TLCD5: variants seen among roughly 807,000 people sequenced by gnomAD.
TLCD5 encodes TLC domain containing 5.
TLCD5 carries 15 observed loss-of-function variants against 20.5 expected under a neutral mutation model. That is an observed-to-expected ratio of 0.73 (90% CI 0.49 to 1.13). The LOEUF (loss-of-function observed/expected upper bound fraction) is 1.13. Among genes scored for constraint, TLCD5 ranks in the 50% most tolerant of loss-of-function variants. The probability of loss-of-function intolerance (pLI) is 0.00; values close to 1 mark genes in which losing one functional copy is unlikely to be tolerated. For missense variants in TLCD5, 289 were observed against 305.6 expected (o/e 0.95, Z 0.41); for synonymous variants, 107 against 114.7 (o/e 0.93, Z 0.43).
intron 1 of TLCD5, among the ~76,000 whole-genome samples, chr11:120,326,556 G>A (rs1207671058): frequency 6.6e-6 from 1 of 152,196 alleles, no homozygotes; most frequent in Non-Finnish European, 1.5e-5. Context: ...CGTTTCAATG[G>A]AGGAGCTAAT....
chr11:120,325,939 A>G (rs1941988407), intron 1 of TLCD5, among the ~76,000 whole-genome samples: 1 of 152,238 alleles, frequency 6.6e-6, no homozygotes, highest in East Asian at 1.9e-4. Flanking sequence ...AAGACTCTAA[A>G]AATACTAATA....
Position 120,333,180 on chromosome 11 carries a change from T to A in TLCD5, c.*2665T>A, listed in dbSNP as rs1942193566. On this transcript the variant is annotated 3_prime_UTR_variant, in exon 3 of 3. Transcript: ENST00000375095. This position sits in a 1 kb window ranked among gnomAD's most constrained non-coding sequence, Gnocchi z 4.5. ...TTGTAGAAAAGAGTGGCCTGGCACA[T>A]GAGCTTAAAAAAAAGAAAAAAAGCT... The A allele has an allele frequency of 6.6e-6, 1 of 152,092 alleles. No individual in the cohort carries two copies. Among genetic ancestry groups the A allele is most frequent in the South Asian group, 2.1e-4 (1 of 4,828 alleles). 9.4% of individuals were successfully genotyped at this position (152,092 alleles called of 1,614,324 possible). A position where few individuals can be genotyped will look rare whatever the true frequency, so the allele number is the denominator to read the frequency against.
chr11:120,332,511 A>G lies in TLCD5; in HGVS notation c.*1996A>G, dbSNP rs949814137. The G allele has an allele frequency of 6.6e-6, 1 of 152,252 alleles. No homozygotes were observed. Among genetic ancestry groups the G allele is most frequent in the Non-Finnish European group, 1.5e-5 (1 of 68,190 alleles). The allele number at this position is 152,252 out of a possible 1,614,324, so 9.4% of individuals were successfully genotyped here. On this transcript the variant is annotated 3_prime_UTR_variant, in exon 3 of 3. Coordinates refer to ENST00000375095, the MANE Select transcript of TLCD5 (RefSeq NM_001198671.2). The surrounding 1 kb of genome is among the most constrained non-coding windows in gnomAD (Gnocchi z 4.2). ...GGCCACTGGTAATCTAACGTAATGA[A>G]TGGTGTCTTTTGTTGTTGTTGTTGT... is the stretch of plus-strand genomic sequence containing the variant.
At chr11:120,327,124 C>T in intron 1 of TLCD5, 1 of 500,462 alleles carries the variant, frequency 2.0e-6, no homozygotes, top group Non-Finnish European at 3.5e-6. Flanking sequence ...TGCCCAAGGT[C>T]AGTCATCGCT....
chr11:120,326,211 C>CT (rs67449874), intron 1 of TLCD5, among the ~76,000 whole-genome samples: 21,136 of 148,392 alleles, frequency 0.14, 1,825 homozygotes, highest in South Asian at 0.21. Context: ...TTAATTTCTT[C>CT]TTTTTTTTTT....
chr11:120,330,478 G>T lies in TLCD5; in HGVS notation c.701G>T (p.Arg234Leu). 3 of 1,613,824 alleles carry T rather than the reference G, an allele frequency of 1.9e-6. 1 individual carries two copies. In the South Asian group the frequency reaches 3.3e-5, roughly 18 times the overall value. ...HAWRSRRSEE[R>L]QLKHNGHLKI... Reference sequence around the variant, plus strand: ...TGGAGAAGCAGGCGGAGTGAGGAACGGCAGCTGAAACACAACGGACATCTC... The same window carrying T: ...TGGAGAAGCAGGCGGAGTGAGGAACTGCAGCTGAAACACAACGGACATCTC... Residue 234 changes from arginine to leucine, a missense_variant, in exon 3 of 3, where the codon CGG (arginine) becomes CTG (leucine). Transcript: ENST00000375095.
intron 2 of TLCD5, among the ~76,000 whole-genome samples, chr11:120,327,843 C>T (rs1565399462): frequency 6.6e-6 from 1 of 152,124 alleles, no homozygotes; most frequent in East Asian, 1.9e-4. Flanking sequence ...ACTTTTAAAA[C>T]AGATTTTAAA....
intron 1 of TLCD5, 40 bp downstream of exon 1, chr11:120,325,408 G>C (rs1941969164): frequency 6.6e-6 from 1 of 152,140 alleles, no homozygotes; most frequent in Non-Finnish European, 1.5e-5. Context: ...GGGTGGGCAC[G>C]GGGCCCGCGC....
rs1367583971 is a variant in TLCD5, at chr11:120,326,168, T to C, written c.-2+800T>C. Among the ~76,000 whole-genome samples the C allele has an allele frequency of 2.6e-5, 4 of 152,100 alleles. No homozygotes were observed. The East Asian group carries it at 7.7e-4, about 29-fold the overall frequency. ...TCCTAGTCTCTTTCTTTCCTTTCCCTTCCTCCCCTTCCTCTTCCTTCTTTT... is the reference window on the plus strand; with the variant it reads ...TCCTAGTCTCTTTCTTTCCTTTCCCCTCCTCCCCTTCCTCTTCCTTCTTTT... On this transcript the variant is annotated intron_variant, in intron 1 of 2. Transcript: ENST00000375095.
intron 2 of TLCD5, among the ~76,000 whole-genome samples, chr11:120,327,878 A>G (rs73008710): frequency 0.097 from 14,720 of 152,224 alleles, 952 homozygotes; most frequent in Non-Finnish European, 0.15. Flanking sequence ...TTAATTGGAA[A>G]TACAAAAACT....
In TLCD5 at chr11:120,327,461, T is replaced by C; in HGVS notation, c.20T>C (p.Leu7Pro). 1 of 1,614,256 alleles carries C rather than the reference T, an allele frequency of 6.2e-7. No homozygotes were observed. Residue 7 changes from leucine to proline, a missense_variant, in exon 2 of 3, where the codon CTG becomes CCG. By Grantham distance (98) the Leu-to-Pro change is moderately conservative. Coordinates refer to ENST00000375095, the MANE Select transcript of TLCD5 (RefSeq NM_001198671.2). ...CACAGGATGGCATTAGCTCTGTGTC[T>C]GCAGGTGCTGTGCAGCCTGTGTGGC... MALALC[L>P]QVLCSLCGWL...
chr11:120,326,530 T>C (rs1317378697), intron 1 of TLCD5, among the ~76,000 whole-genome samples: 1 of 152,248 alleles, frequency 6.6e-6, no homozygotes, highest in East Asian at 1.9e-4. Context: ...GATATGTTTT[T>C]GACTTTTTAT....
chr11:120,327,401 T>A (rs767148313), intron 1 of TLCD5, 40 bp from the exon 2 acceptor site: 1 of 1,614,046 alleles, frequency 6.2e-7, no homozygotes, highest in South Asian at 1.1e-5. Flanking sequence ...TTTCTTAGGG[T>A]GCATCCTTTG....
At chr11:120,329,918 C>T (rs1379014029) in intron 2 of TLCD5, 59 bp from the exon 3 acceptor site, 5 of 1,534,830 alleles carry the variant, frequency 3.3e-6, no homozygotes, top group Non-Finnish European at 4.4e-6. Context: ...CATAGGATCC[C>T]TGTGCAAGGT....
Position 120,327,651 on chromosome 11 carries a change from G to T in TLCD5, c.199+11G>T. On this transcript the variant is annotated intron_variant, in intron 2 of 2. Coordinates refer to ENST00000375095, the MANE Select transcript of TLCD5 (RefSeq NM_001198671.2). ...CTTTTACCCACCCAGGTAGGTAGGG[G>T]ATTTTCCCTTAGGGATTTATGATTT... The T allele has an allele frequency of 6.2e-7, 1 of 1,608,450 alleles. No individual in the cohort carries two copies. Among genetic ancestry groups the T allele is most frequent in the Non-Finnish European group, 8.5e-7 (1 of 1,177,380 alleles).
chr11:120,328,677 TAGTGTGTGTG>T (rs1942059127), intron 2 of TLCD5, among the ~76,000 whole-genome samples: 1 of 91,710 alleles, frequency 1.1e-5, no homozygotes, highest in African/African-American at 5.0e-5. Flanking sequence ...ATAACAGTCA[TAGTGTGTGTG>T]TGTGTGTGTG....
chr11:120,328,911 A>G (rs1428613150), intron 2 of TLCD5, among the ~76,000 whole-genome samples: 1 of 127,886 alleles, frequency 7.8e-6, no homozygotes, highest in Non-Finnish European at 1.6e-5. Context: ...TAAGGATAAC[A>G]GTCATAGTGT....
At chr11:120,327,747 A>G in intron 2 of TLCD5, 107 bp downstream of exon 2, 1 of 1,143,576 alleles carries the variant, frequency 8.7e-7, no homozygotes, top group Non-Finnish European at 1.2e-6. Context: ...TCCCATTATA[A>G]TTTTGTATTG....
rs1198644782 is a variant in TLCD5 at position 120,332,024 on chromosome 11, C to T, written c.*1509C>T. The T allele has an allele frequency of 6.6e-6, 1 of 151,934 alleles. No individual in the cohort carries two copies. The highest frequency in any genetic ancestry group is 1.5e-5 in the Non-Finnish European group (1 of 68,022). The allele number at this position is 151,934 out of a possible 1,614,324, so 9.4% of individuals were successfully genotyped here. On this transcript the variant is annotated 3_prime_UTR_variant, in exon 3 of 3. Transcript: ENST00000375095. The surrounding 1 kb of genome is among the most constrained non-coding windows in gnomAD (Gnocchi z 4.2). Reference sequence around the variant, plus strand: ...TTATTTTTACTAAAAAGGTACCACTCTATGAACAAACTAATAAAACAAGGC... The same window carrying T: ...TTATTTTTACTAAAAAGGTACCACTTTATGAACAAACTAATAAAACAAGGC...
Sources: allele counts gnomAD v4.1 joint callset (sites outside exome capture counted in the v4.1 genomes callset), GRCh38; gene constraint gnomAD v4.1.1; non-coding constraint Gnocchi (gnomAD v3.1); transcripts MANE v1.5; gene names NCBI Gene and HGNC (gene_info 2026-07-23, HGNC 2026-07-21).